LAT2: variants seen among roughly 807,000 people sequenced by gnomAD.
LAT2 encodes the protein linker for activation of T cells family member 2, also known as linker for activation of T-cells family member 2.
LAT2 carries 23 observed loss-of-function variants against 43.4 expected under a neutral mutation model. The observed-to-expected ratio is 0.53, with a 90% CI of 0.38 to 0.75. The LOEUF is 0.75. Among genes scored for constraint, LAT2 ranks in the 30% least tolerant of loss-of-function variants. The pLI is 0.00. For missense variants in LAT2, 284 were observed against 310.2 expected (o/e 0.92, Z 0.64); for synonymous variants, 128 against 123.2 (o/e 1.04, Z -0.26).
chr7:74,216,744 A>G, intron 3 of LAT2, 81 bp from the exon 4 acceptor site: 2 of 1,209,482 alleles, frequency 1.7e-6, no homozygotes, highest in Non-Finnish European at 2.4e-6. Flanking sequence ...GTCCTGCTGG[A>G]GACAAGACAT....
At chr7:74,226,802 C>G (rs1213799697) in intron 13 of LAT2, among the ~76,000 whole-genome samples, 17 of 152,212 alleles carry the variant, frequency 1.1e-4, no homozygotes, top group African/African-American at 4.1e-4. Context: ...AGGAAGGCGG[C>G]TAGGGAAGCC....
In LAT2 at chr7:74,220,365, G is replaced by C; in HGVS notation, c.265+111G>C. ...AGTGGGGGCTGCGGGGCCAGGCGAG[G>C]CCTCCCCAGGAGAGACACACAGGCT... On this transcript the variant is annotated intron_variant, in intron 7 of 13. Transcript: ENST00000460943. This position sits in a 1 kb window ranked among gnomAD's most constrained non-coding sequence, Gnocchi z 4.5. 1.5e-6 allele frequency: 2 copies of C among 1,348,126 alleles called. No individual in the cohort carries two copies. The highest frequency in any genetic ancestry group is 2.1e-6 in the Non-Finnish European group (2 of 963,116). The allele number at this position is 1,348,126 out of a possible 1,614,324, so 83.5% of individuals were successfully genotyped here.
rs527340684 is a variant in LAT2, at chr7:74,217,426, G to A, written c.134+562G>A. 8.1e-4 allele frequency among the ~76,000 whole-genome samples: 123 copies of A among 151,486 alleles called. 1 individual carries two copies. The highest frequency in any genetic ancestry group is 2.9e-3 in the African/African-American group (119 of 41,266). Reference sequence around the variant, plus strand: ...AGCCTGGGCAAAAAAGCAAGATTCCGTCTCAGAAAAGAAAAAAAGAAAAGA... The same window carrying A: ...AGCCTGGGCAAAAAAGCAAGATTCCATCTCAGAAAAGAAAAAAAGAAAAGA... On this transcript the variant is annotated intron_variant, in intron 4 of 13. Coordinates refer to ENST00000460943, the MANE Select transcript of LAT2 (RefSeq NM_032464.3).
chr7:74,223,988 C>A (rs1024572108), intron 11 of LAT2, 30 bp from the exon 12 acceptor site: 15 of 1,604,722 alleles, frequency 9.3e-6, no homozygotes, highest in African/African-American at 1.3e-5. Flanking sequence ...TGGGACTGAG[C>A]CAAGGGGGGC....
At chr7:74,221,439 A>AAAAG (rs1802275501) in intron 9 of LAT2, among the ~76,000 whole-genome samples, 198 bp from the exon 10 acceptor site, 1 of 147,482 alleles carries the variant, frequency 6.8e-6, no homozygotes, top group South Asian at 2.1e-4. Context: ...AAAAAAAAAA[A>AAAAG]GTGGCTCCAG....
intron 13 of LAT2, chr7:74,225,246 TAGCC>T (rs1554715941): frequency 6.5e-6 from 1 of 154,672 alleles, no homozygotes; most frequent in African/African-American, 2.4e-5. Flanking sequence ...CACAAAAAAT[TAGCC>T]AGGCATGGTG....
chr7:74,210,673 G>A (rs1464360751), intron 1 of LAT2, among the ~76,000 whole-genome samples: 1 of 152,148 alleles, frequency 6.6e-6, no homozygotes, highest in Non-Finnish European at 1.5e-5. Flanking sequence ...GACCAGCCGG[G>A]CACGGTGGCT....
At chr7:74,225,343 A>T (rs1802448539) in intron 13 of LAT2, 2 of 153,106 alleles carry the variant, frequency 1.3e-5, no homozygotes, top group South Asian at 4.1e-4. Flanking sequence ...GCGGTGAGTT[A>T]AGATCACATG....
chr7:74,213,176 T>A (rs2116079515), intron 1 of LAT2, among the ~76,000 whole-genome samples: 1 of 152,216 alleles, frequency 6.6e-6, no homozygotes, highest in African/African-American at 2.4e-5. Context: ...TGGAGTGCAG[T>A]GGCGTGATCT....
Position 74,220,490 on chromosome 7 carries a change from G to A in LAT2, c.266-94G>A, listed in dbSNP as rs1447636280. ...GGGAGCACTGCAAAGGCTCAGACAC[G>A]GGAAATAGCTGGCCCTGCCTTGGGC... On this transcript the variant is annotated intron_variant, in intron 7 of 13. Coordinates refer to ENST00000460943, the MANE Select transcript of LAT2 (RefSeq NM_032464.3). The surrounding 1 kb of genome is among the most constrained non-coding windows in gnomAD (Gnocchi z 4.5). 18 of 1,520,638 alleles carry A rather than the reference G, an allele frequency of 1.2e-5. No homozygotes were observed. In the African/African-American group the frequency reaches 1.8e-4, roughly 15 times the overall value. The allele number at this position is 1,520,638 out of a possible 1,614,324, so 94.2% of individuals were successfully genotyped here.
At chr7:74,221,550 G>C in intron 9 of LAT2, 87 bp from the exon 10 acceptor site, 2 of 1,003,272 alleles carry the variant, frequency 2.0e-6, no homozygotes, top group Non-Finnish European at 3.1e-6. Flanking sequence ...GGTGGGAGCA[G>C]CCCTGGCCTC....
At position 74,224,191 on chromosome 7, in the gene LAT2, G is replaced by T; in HGVS notation, c.622G>T (p.Val208Phe). The T allele has an allele frequency of 6.2e-7, 1 of 1,613,292 alleles. No individual in the cohort carries two copies. Among genetic ancestry groups the T allele is most frequent in the Non-Finnish European group, 8.5e-7 (1 of 1,180,016 alleles). Residue 208 changes from valine (V) to phenylalanine (F), a missense_variant, in exon 12 of 14, where the codon GTC becomes TTC. By Grantham distance (50) the Val-to-Phe change is conservative (BLOSUM62 -1). Transcript: ENST00000460943. ...SIHQWRESRK[V>F]MGQLQREASP... is the part of the protein sequence containing the mutation. ...CCATCAGTGGCGCGAGTCCAGGAAGGTCATGGGTAGGTGGCCGGGAGAAGA... is the reference window on the plus strand; with the variant it reads ...CCATCAGTGGCGCGAGTCCAGGAAGTTCATGGGTAGGTGGCCGGGAGAAGA...
chr7:74,210,466 G>A (rs1554712974), intron 1 of LAT2, among the ~76,000 whole-genome samples: 1 of 152,158 alleles, frequency 6.6e-6, no homozygotes, highest in South Asian at 2.1e-4. Flanking sequence ...AAAACGGTGG[G>A]ATTACAGGCC....
At chr7:74,219,002 G>A (rs1044373333) in intron 4 of LAT2, among the ~76,000 whole-genome samples, 2 of 131,988 alleles carry the variant, frequency 1.5e-5, no homozygotes, top group Non-Finnish European at 3.1e-5. Flanking sequence ...CGGGTCTAGA[G>A]TGTGTGCTTT....
At chr7:74,221,715 A>G in intron 10 of LAT2, 23 bp downstream of exon 10, 3 of 1,605,098 alleles carry the variant, frequency 1.9e-6, no homozygotes, top group Non-Finnish European at 8.5e-7. Context: ...ACAAAGCCGG[A>G]GGTGGAGGAA....
intron 9 of LAT2, 40 bp from the exon 10 acceptor site, chr7:74,221,597 C>A (rs1207933860): frequency 1.3e-6 from 2 of 1,578,702 alleles, no homozygotes; most frequent in Non-Finnish European, 1.7e-6. Context: ...CGATCTCCAG[C>A]CTGCCCTGAA....
At chr7:74,228,448 C>A (rs1231675124) in intron 13 of LAT2, among the ~76,000 whole-genome samples, 1 of 148,464 alleles carries the variant, frequency 6.7e-6, no homozygotes, top group Non-Finnish European at 1.5e-5. Context: ...TGCACTCCAG[C>A]CTGGGAGACA....
intron 1 of LAT2, 108 bp from the exon 2 acceptor site, chr7:74,214,713 AT>A (rs1421371908): frequency 9.4e-6 from 1 of 106,390 alleles, no homozygotes; most frequent in Non-Finnish European, 1.7e-5. Context: ...ATATATAAAT[AT>A]ATATAAAAAT....
Position 74,220,784 on chromosome 7 carries a change from A to G in LAT2, c.332+50A>G, listed in dbSNP as rs782003551. On this transcript the variant is annotated intron_variant, in intron 9 of 13. Transcript: ENST00000460943. The surrounding 1 kb of genome is among the most constrained non-coding windows in gnomAD (Gnocchi z 4.5). ...CCTGCCTCGCCTCTCCCCCTGCCCC[A>G]CCTCTCCCCCTGCCCCACCTCTCCC... 11 of 1,046,180 alleles carry G rather than the reference A, an allele frequency of 1.1e-5. No homozygotes were observed. The African/African-American group carries it at 1.2e-4, about 12-fold the overall frequency. 64.8% of individuals were successfully genotyped at this position (1,046,180 alleles called of 1,614,324 possible). A position where few individuals can be genotyped will look rare whatever the true frequency, so the allele number is the denominator to read the frequency against.
Sources: gnomAD v4.1 joint callset for allele counts (sites outside exome capture counted in the v4.1 genomes callset) on GRCh38, gnomAD v4.1.1 for gene constraint, Gnocchi (gnomAD v3.1) non-coding constraint, MANE v1.5 for transcripts, NCBI Gene and HGNC (gene_info 2026-07-23, HGNC 2026-07-21) for gene names.